RPS6KA2: variants seen among roughly 807,000 people sequenced by gnomAD.
The protein encoded by RPS6KA2 is ribosomal protein S6 kinase A2.
RPS6KA2 carries 42 observed loss-of-function variants against 91.8 expected under a neutral mutation model. The observed-to-expected ratio is 0.46, with a 90% confidence interval of 0.36 to 0.59. The LOEUF (loss-of-function observed/expected upper bound fraction) is 0.59, where lower values mean the gene tolerates loss of function less well. RPS6KA2 is among the 20% of genes least tolerant of loss of function. The pLI is 0.00. For synonymous variants in RPS6KA2, 414 were observed against 393.6 expected, an observed-to-expected ratio of 1.05 and a Z score of -0.61; for missense variants, 798 against 978.5, an observed-to-expected ratio of 0.82 and a Z score of 2.46.
Position 166,824,957 on chromosome 6 carries a change from C to G in RPS6KA2, c.123+33243G>C, listed in dbSNP as rs139429195. On this transcript the variant is annotated intron_variant, in intron 2 of 21. Transcript: ENST00000503859. The stretch of plus-strand genomic sequence containing the variant: ...ACATCAGGACAGTTGCAGGCCACAG[C>G]GTTCTGTGCTTCACCCTGTCCGGGG... Among the ~76,000 whole-genome samples the G allele has an allele frequency of 5.8e-3, 884 of 152,316 alleles. 27 individuals are homozygous for G. The South Asian group carries it at 0.067, about 12-fold the overall frequency.
At chr6:166,712,622 T>C (rs943372135) in intron 2 of RPS6KA2, among the ~76,000 whole-genome samples, 97 of 152,300 alleles carry the variant, frequency 6.4e-4, no homozygotes, top group African/African-American at 2.2e-3. Flanking sequence ...GCCATGCACC[T>C]GCAGAAGTAG....
rs144576256 is a variant in RPS6KA2 at position 166,785,581 on chromosome 6, C to G, written c.123+72619G>C. ...GAGAGCTCCACTCACGTGGTCCTTA[C>G]GAGAATCTGAGCAACATGAACACCG... On this transcript the variant is annotated intron_variant, in intron 2 of 21. Transcript: ENST00000503859. 5.9e-3 allele frequency among the ~76,000 whole-genome samples: 896 copies of G among 152,366 alleles called. 5 individuals carry two copies. Among genetic ancestry groups the G allele is most frequent in the Middle Eastern group, 6.8e-3 (2 of 292 alleles).
intron 2 of RPS6KA2, among the ~76,000 whole-genome samples, chr6:166,832,336 A>G (rs1271895879): frequency 6.6e-6 from 1 of 152,176 alleles, no homozygotes; most frequent in African/African-American, 2.4e-5. Context: ...CTCTCAGCAC[A>G]TGTTTGGATT....
In RPS6KA2 at chr6:166,648,009, C is replaced by T. The variant is rs1582983287; in HGVS notation, c.124-109225G>A. On this transcript the variant is annotated intron_variant, in intron 2 of 21. Coordinates refer to the RPS6KA2 transcript ENST00000503859. The surrounding 1 kb of genome is among the most constrained non-coding windows in gnomAD (Gnocchi z 4.8). ...ACACACGCACATGCTCACACACGCACATGCTTACACACATACATACACACA... is the reference window on the plus strand; with the variant it reads ...ACACACGCACATGCTCACACACGCATATGCTTACACACATACATACACACA... Among the ~76,000 whole-genome samples, 1 of 147,442 alleles carries T rather than the reference C, an allele frequency of 6.8e-6. No homozygotes were observed. The highest frequency in any genetic ancestry group is 2.0e-4 in the East Asian group (1 of 4,914).
At chr6:166,539,957 C>A (rs1436269514) in intron 1 of RPS6KA2, among the ~76,000 whole-genome samples, 1 of 152,184 alleles carries the variant, frequency 6.6e-6, no homozygotes, top group East Asian at 1.9e-4. Flanking sequence ...GGCTAAAATG[C>A]GCATCCAAAA....
chr6:166,595,375 A>G (rs1785503769), intron 1 of RPS6KA2, among the ~76,000 whole-genome samples: 1 of 152,172 alleles, frequency 6.6e-6, no homozygotes, highest in African/African-American at 2.4e-5. Flanking sequence ...TTTGAATGCA[A>G]TTTTGTACCC....
intron 1 of RPS6KA2, among the ~76,000 whole-genome samples, chr6:166,552,321 A>G (rs1269517720): frequency 6.6e-6 from 1 of 152,228 alleles, no homozygotes; most frequent in Non-Finnish European, 1.5e-5. Flanking sequence ...AAAACTTGTG[A>G]AATGGTTTAG....
At position 166,435,275 on chromosome 6, in the gene RPS6KA2, A is replaced by G. The variant is rs1200375513; in HGVS notation, c.1333-2785T>C. Reference sequence around the variant, plus strand: ...ATTTGTAAACAGTTTTCAAAGACAGATTACCTTAAACTCTTGCTTACTTTA... The same window carrying G: ...ATTTGTAAACAGTTTTCAAAGACAGGTTACCTTAAACTCTTGCTTACTTTA... On this transcript the variant is annotated intron_variant, in intron 14 of 20. Transcript: ENST00000265678. The surrounding 1 kb of genome is among the most constrained non-coding windows in gnomAD (Gnocchi z 4.3). 3.3e-5 allele frequency among the ~76,000 whole-genome samples: 5 copies of G among 152,202 alleles called. No homozygotes were observed. Among genetic ancestry groups the G allele is most frequent in the African/African-American group, 1.2e-4 (5 of 41,456 alleles).
intron 1 of RPS6KA2, among the ~76,000 whole-genome samples, chr6:166,598,809 C>A (rs896985759): frequency 5.9e-5 from 9 of 152,212 alleles, no homozygotes; most frequent in African/African-American, 2.2e-4. Flanking sequence ...CACACAGCAC[C>A]GCTCTTTCCT....
At chr6:166,796,618 G>C (rs956617577) in intron 2 of RPS6KA2, among the ~76,000 whole-genome samples, 43 of 152,190 alleles carry the variant, frequency 2.8e-4, no homozygotes, top group Admixed American at 3.9e-4. Context: ...AAACTCATTT[G>C]TCTTTCCTGA....
intron 2 of RPS6KA2, among the ~76,000 whole-genome samples, chr6:166,762,761 T>C (rs547892858): frequency 6.6e-6 from 1 of 152,258 alleles, no homozygotes; most frequent in Non-Finnish European, 1.5e-5. Context: ...CCCCGACTTC[T>C]GGGAGCCAAC....
chr6:166,821,162 G>A lies in RPS6KA2; in HGVS notation c.123+37038C>T, dbSNP rs1779895819. On this transcript the variant is annotated intron_variant, in intron 2 of 21. Transcript: ENST00000503859. The surrounding 1 kb of genome is among the most constrained non-coding windows in gnomAD (Gnocchi z 4.1). ...TATAAGTATTAATTAGGATAAAATTGTATAAATGTAAAACACATCTAGCAA... is the reference window on the plus strand; with the variant it reads ...TATAAGTATTAATTAGGATAAAATTATATAAATGTAAAACACATCTAGCAA... Among the ~76,000 whole-genome samples, 1 of 152,180 alleles carries A rather than the reference G, an allele frequency of 6.6e-6. No individual in the cohort carries two copies. Among genetic ancestry groups the A allele is most frequent in the African/African-American group, 2.4e-5 (1 of 41,436 alleles).
intron 2 of RPS6KA2, among the ~76,000 whole-genome samples, chr6:166,790,841 C>T (rs1230167118): frequency 6.6e-6 from 1 of 152,082 alleles, no homozygotes; most frequent in African/African-American, 2.4e-5. Flanking sequence ...CCAGGCCTGC[C>T]CTAAAAGAGC....
intron 2 of RPS6KA2, among the ~76,000 whole-genome samples, chr6:166,673,367 G>GC (rs1426531266): frequency 1.3e-5 from 2 of 152,226 alleles, no homozygotes; most frequent in Non-Finnish European, 2.9e-5. Context: ...AACTGCAGCT[G>GC]CCATAAGGGG....
chr6:166,539,490 C>T (rs1314198230), intron 1 of RPS6KA2, among the ~76,000 whole-genome samples: 2 of 152,186 alleles, frequency 1.3e-5, no homozygotes, highest in Non-Finnish European at 2.9e-5. Flanking sequence ...ATGCAGACGG[C>T]TTGTCCTCCT....
intron 10 of RPS6KA2, among the ~76,000 whole-genome samples, chr6:166,486,691 G>A (rs961852905): frequency 1.3e-5 from 2 of 152,212 alleles, no homozygotes; most frequent in African/African-American, 4.8e-5. Context: ...GCCCTGGCAT[G>A]GATGCACTGT....
At position 166,434,834 on chromosome 6, in the gene RPS6KA2, T is replaced by A. The variant is rs1381857221; in HGVS notation, c.1333-2344A>T. Among the ~76,000 whole-genome samples the A allele has an allele frequency of 6.6e-6, 1 of 152,148 alleles. No individual in the cohort carries two copies. The highest frequency in any genetic ancestry group is 2.4e-5 in the African/African-American group (1 of 41,428). On this transcript the variant is annotated intron_variant, in intron 14 of 20. Coordinates refer to ENST00000265678, the MANE Select transcript of RPS6KA2 (RefSeq NM_021135.6). The surrounding 1 kb of genome is among the most constrained non-coding windows in gnomAD (Gnocchi z 4.4). ...AAGGCCGACGCGAGCAGGTGCATCC[T>A]ACGCCATCCCTTGTTTTAAAAATGG...
At position 166,662,909 on chromosome 6, in the gene RPS6KA2, C is replaced by T. The variant is rs967489910; in HGVS notation, c.124-124125G>A. Among the ~76,000 whole-genome samples the T allele has an allele frequency of 1.3e-5, 2 of 152,000 alleles. No individual in the cohort carries two copies. Among genetic ancestry groups the T allele is most frequent in the Admixed American group, 6.6e-5 (1 of 15,262 alleles). On this transcript the variant is annotated intron_variant, in intron 2 of 21. Transcript: ENST00000503859. The surrounding 1 kb of genome is among the most constrained non-coding windows in gnomAD (Gnocchi z 4.3). ...AGGAAGTCTGAATACGCAGAGACACCGGGGCCGCCTCTGTGTATGGAGGAA... is the reference window on the plus strand; with the variant it reads ...AGGAAGTCTGAATACGCAGAGACACTGGGGCCGCCTCTGTGTATGGAGGAA...
At chr6:166,538,820 G>A (rs777207787) in intron 1 of RPS6KA2, 36 bp from the exon 2 acceptor site, 22 of 1,166,558 alleles carry the variant, frequency 1.9e-5, no homozygotes, top group East Asian at 7.1e-5. Context: ...AACACACCGC[G>A]AGGAGTCCCT....
Sources: allele counts gnomAD v4.1 joint callset (sites outside exome capture counted in the v4.1 genomes callset), GRCh38; gene constraint gnomAD v4.1.1; non-coding constraint Gnocchi (gnomAD v3.1); transcripts MANE v1.5; gene names NCBI Gene and HGNC (gene_info 2026-07-23, HGNC 2026-07-21).